The following OTC variants were observed in gnomAD, a reference collection of about 807,000 sequenced individuals.
OTC encodes the protein ornithine transcarbamylase, mitochondrial.
In OTC, 3 loss-of-function variants were observed where a neutral mutation model predicts 30.3. That is an observed-to-expected ratio of 0.10 (90% CI 0.05 to 0.26). OTC has a LOEUF of 0.26. OTC is among the 10% of genes least tolerant of loss of function. The pLI is 1.00. For missense variants in OTC, 194 were observed against 260.3 expected (o/e 0.75, Z 1.75); for synonymous variants, 111 against 99.7 (o/e 1.11, Z -0.67).
At chrX:38,396,118 A>AT (rs2068455392) in intron 4 of OTC, among the ~76,000 whole-genome samples, 2 of 83,773 alleles carry the variant, frequency 2.4e-5, no homozygotes, top group South Asian at 1.0e-3. Context: ...ACGCCCGGCT[A>AT]ATTTTTTTTT....
chrX:38,408,052 G>A (rs73198453), intron 6 of OTC, among the ~76,000 whole-genome samples: 2,891 of 111,984 alleles, frequency 0.026, 37 homozygotes, highest in Non-Finnish European at 0.041. Context: ...TTTTTCTAGC[G>A]CCTCCTTAAA....
chrX:38,329,808 G>A, the OTC span, among the ~76,000 whole-genome samples: 1 of 111,396 alleles, frequency 9.0e-6, no homozygotes, highest in Non-Finnish European at 1.9e-5. Context: ...AGTAACCAAT[G>A]GGAAATATAC....
chrX:38,413,476 A>T (rs200307341), intron 9 of OTC, among the ~76,000 whole-genome samples: 2 of 110,161 alleles, frequency 1.8e-5, no homozygotes, highest in East Asian at 5.7e-4. Flanking sequence ...AACAGGGATG[A>T]TTTTTTTTCA....
intron 2 of OTC, among the ~76,000 whole-genome samples, chrX:38,369,353 CTT>C (rs113753372): frequency 7.7e-5 from 8 of 103,512 alleles, no homozygotes; most frequent in African/African-American, 3.5e-5. Context: ...TTTAAATTCA[CTT>C]TTTTTTTTTT....
At chrX:38,380,091 G>A (rs1189486064) in intron 3 of OTC, among the ~76,000 whole-genome samples, 1 of 111,461 alleles carries the variant, frequency 9.0e-6, no homozygotes, top group Admixed American at 9.6e-5. Context: ...AAAAAATAAG[G>A]ATATTGTCCT....
At chrX:38,412,240 C>T (rs1185184267) in intron 9 of OTC, among the ~76,000 whole-genome samples, 1 of 111,584 alleles carries the variant, frequency 9.0e-6, no homozygotes, top group Non-Finnish European at 1.9e-5. Context: ...AAATTCTTAC[C>T]ACCCTTGATC....
rs766512759 is a variant in OTC, at chrX:38,367,286, T to A, written c.78-5T>A. On this transcript the variant is annotated splice_region_variant and splice_polypyrimidine_tract_variant and intron_variant, in intron 1 of 9. Transcript: ENST00000039007. ...TATTTCTCCCTTTTAAATCTCTTTT[T>A]ACAGGTGTGGACAACCACTACAAAA... is the stretch of plus-strand genomic sequence containing the variant. 1 of 1,203,552 alleles carries A rather than the reference T, an allele frequency of 8.3e-7. No individual in the cohort carries two copies. Among genetic ancestry groups the A allele is most frequent in the Non-Finnish European group, 1.1e-6 (1 of 888,037 alleles).
chrX:38,338,371 T>A, the OTC span, among the ~76,000 whole-genome samples: 1 of 112,346 alleles, frequency 8.9e-6, no homozygotes, highest in South Asian at 3.7e-4. Flanking sequence ...GTTTAAGTTG[T>A]TTTGCAGCTG....
chrX:38,408,608 T>C (rs2068527176), intron 6 of OTC, 134 bp from the exon 7 acceptor site: 1 of 469,112 alleles, frequency 2.1e-6, no homozygotes, highest in Admixed American at 3.8e-5. Context: ...GTAAAAATCA[T>C]ATTCTACTGA....
At chrX:38,397,060 A>C (rs1359661129) in intron 4 of OTC, among the ~76,000 whole-genome samples, 1 of 107,201 alleles carries the variant, frequency 9.3e-6, no homozygotes, top group Non-Finnish European at 1.9e-5. Flanking sequence ...ATATGAACAG[A>C]AATATACTTA....
intron 4 of OTC, among the ~76,000 whole-genome samples, chrX:38,392,984 C>T (rs528961042): frequency 1.2e-4 from 13 of 112,367 alleles, no homozygotes; most frequent in African/African-American, 4.2e-4. Context: ...GCTACCAAGT[C>T]AACGGCGTAA....
intron 9 of OTC, 77 bp from the exon 10 acceptor site, chrX:38,420,946 A>G: frequency 1.6e-4 from 105 of 666,428 alleles, no homozygotes; most frequent in Middle Eastern, 2.9e-4. Flanking sequence ...GCTGAAACCT[A>G]ATTCACCTTC....
At chrX:38,384,186 G>C (rs989586544) in intron 4 of OTC, among the ~76,000 whole-genome samples, 1 of 111,520 alleles carries the variant, frequency 9.0e-6, no homozygotes, top group African/African-American at 3.3e-5. Context: ...TACCTCCATG[G>C]TCTCAATGTG....
At chrX:38,337,580 T>C in the OTC span, among the ~76,000 whole-genome samples, 1 of 112,024 alleles carries the variant, frequency 8.9e-6, no homozygotes, top group African/African-American at 3.2e-5. Flanking sequence ...TGAGAGGCAC[T>C]GCTTGAAGGT....
intron 6 of OTC, among the ~76,000 whole-genome samples, chrX:38,405,108 G>A (rs188192835): frequency 0.016 from 1,740 of 110,939 alleles, 45 homozygotes; most frequent in Admixed American, 0.062. Flanking sequence ...ACTGAAACTG[G>A]GGAAGGGAGC....
chrX:38,340,740 T>G, the OTC span, among the ~76,000 whole-genome samples: 1 of 110,780 alleles, frequency 9.0e-6, no homozygotes, highest in African/African-American at 3.3e-5. Flanking sequence ...CGTTCCATTA[T>G]AAATCTAACC....
At position 38,375,323 on chromosome X, in the gene OTC, G is replaced by T. The variant is rs147824505; in HGVS notation, c.298+5446G>T. ...TGGGACTTTGGCTTTTTGGGGAATC[G>T]TTGGATGATCTTGAACAAAGGAGGG... On this transcript the variant is annotated intron_variant, in intron 3 of 9. Transcript: ENST00000039007. Among the ~76,000 whole-genome samples the T allele has an allele frequency of 6.2e-5, 7 of 112,227 alleles. No homozygotes were observed. The East Asian group carries it at 1.7e-3, about 27-fold the overall frequency.
At chrX:38,419,923 A>C (rs1197299359) in intron 9 of OTC, among the ~76,000 whole-genome samples, 1 of 111,033 alleles carries the variant, frequency 9.0e-6, no homozygotes, top group Non-Finnish European at 1.9e-5. Context: ...AGACAGGGAG[A>C]ATAGGTTTTG....
At chrX:38,416,104 G>A (rs971116754) in intron 9 of OTC, among the ~76,000 whole-genome samples, 15 of 111,718 alleles carry the variant, frequency 1.3e-4, no homozygotes, top group Non-Finnish European at 2.6e-4. Context: ...CCACAATGTC[G>A]CCCTCCAGTT....
Sources: allele counts gnomAD v4.1 joint callset (sites outside exome capture counted in the v4.1 genomes callset), GRCh38; gene constraint gnomAD v4.1.1; transcripts MANE v1.5; gene names NCBI Gene and HGNC (gene_info 2026-07-23, HGNC 2026-07-21).